PRKCH: variants seen among roughly 807,000 people sequenced by gnomAD.
The protein encoded by PRKCH is protein kinase C eta.
A neutral mutation model predicts 82.5 loss-of-function variants in PRKCH; 28 were observed. The observed-to-expected ratio is 0.34, with a 90% CI of 0.25 to 0.47. The LOEUF (loss-of-function observed/expected upper bound fraction) is 0.47, where lower values mean the gene tolerates loss of function less well. Among genes scored for constraint, PRKCH ranks in the 20% least tolerant of loss-of-function variants. The pLI, the probability that PRKCH is intolerant of heterozygous loss-of-function variation, is 1.00. For missense variants in PRKCH, 705 were observed against 881.8 expected (o/e 0.80, Z 2.54); for synonymous variants, 322 against 327.4 (o/e 0.98, Z 0.18).
chr14:61,196,724 A>G (rs1369544900), intron 1 of PRKCH, among the ~76,000 whole-genome samples: 2 of 152,354 alleles, frequency 1.3e-5, no homozygotes, highest in East Asian at 1.9e-4. Flanking sequence ...GAACACAGAT[A>G]AACTATGTTA....
At chr14:61,309,387 G>A (rs1018719361) in intron 1 of PRKCH, among the ~76,000 whole-genome samples, 6 of 152,226 alleles carry the variant, frequency 3.9e-5, no homozygotes, top group African/African-American at 1.4e-4. Flanking sequence ...AGGTGAATAG[G>A]AGGGGATCTG....
chr14:61,328,435 C>T (rs2045732297), intron 1 of PRKCH, among the ~76,000 whole-genome samples: 1 of 126,414 alleles, frequency 7.9e-6, no homozygotes, highest in Admixed American at 8.7e-5. Flanking sequence ...TTTTCACGCC[C>T]AAAATGTTAA....
intron 1 of PRKCH, among the ~76,000 whole-genome samples, chr14:61,265,297 A>G (rs1361760277): frequency 6.6e-6 from 1 of 152,092 alleles, no homozygotes; most frequent in Non-Finnish European, 1.5e-5. Flanking sequence ...CTTGGGCAAC[A>G]TACTGAAACC....
intron 1 of PRKCH, among the ~76,000 whole-genome samples, chr14:61,262,493 T>C (rs1397633894): frequency 4.6e-5 from 7 of 152,222 alleles, no homozygotes; most frequent in Middle Eastern, 3.4e-3. Flanking sequence ...AATTAATCTA[T>C]AGTGAGAGAT....
chr14:61,461,082 G>A (rs901985755), intron 9 of PRKCH, among the ~76,000 whole-genome samples: 5 of 152,082 alleles, frequency 3.3e-5, no homozygotes, highest in East Asian at 3.9e-4. Context: ...TCCCCTGCGC[G>A]CCTCTCCCTT....
intron 1 of PRKCH, among the ~76,000 whole-genome samples, chr14:61,196,416 G>A (rs1354812904): frequency 3.9e-5 from 6 of 152,244 alleles, no homozygotes; most frequent in Non-Finnish European, 8.8e-5. Context: ...TATATTTGAG[G>A]TTGCTAATCT....
intron 1 of PRKCH, among the ~76,000 whole-genome samples, chr14:61,329,210 C>A (rs1222019662): frequency 7.1e-6 from 1 of 141,048 alleles, no homozygotes; most frequent in Non-Finnish European, 1.5e-5. Flanking sequence ...TGGTTCTCCA[C>A]TGCTCTTAGA....
chr14:61,501,048 G>A (rs1475135684), intron 10 of PRKCH, among the ~76,000 whole-genome samples: 1 of 152,110 alleles, frequency 6.6e-6, no homozygotes, highest in African/African-American at 2.4e-5. Context: ...ACAATGTACT[G>A]TAATTCTGTG....
intron 1 of PRKCH, among the ~76,000 whole-genome samples, chr14:61,335,100 A>G (rs1201324431): frequency 6.6e-6 from 1 of 152,132 alleles, no homozygotes; most frequent in East Asian, 1.9e-4. Flanking sequence ...TCCTGAGGAA[A>G]TGAATATTTT....
chr14:61,438,074 C>G (rs1245900347), intron 2 of PRKCH, among the ~76,000 whole-genome samples: 2 of 152,106 alleles, frequency 1.3e-5, no homozygotes, highest in Non-Finnish European at 2.9e-5. Context: ...TCAAATGGCC[C>G]TATGAGGAAC....
chr14:61,216,536 A>G (rs1019821149), intron 1 of PRKCH, among the ~76,000 whole-genome samples: 7 of 152,184 alleles, frequency 4.6e-5, no homozygotes, highest in African/African-American at 1.4e-4. Context: ...AGAAATAAGA[A>G]GCAGCTGTGG....
At chr14:61,231,643 A>G (rs1203929802) in intron 1 of PRKCH, among the ~76,000 whole-genome samples, 1 of 152,078 alleles carries the variant, frequency 6.6e-6, no homozygotes, top group East Asian at 1.9e-4. Flanking sequence ...TAGTGCTGGG[A>G]TTGCAGGTGT....
chr14:61,223,897 T>TG (rs1248765733), intron 1 of PRKCH, among the ~76,000 whole-genome samples: 1 of 152,206 alleles, frequency 6.6e-6, no homozygotes, highest in Non-Finnish European at 1.5e-5. Flanking sequence ...TGTCTGGCCC[T>TG]CATTTAGTAT....
At chr14:61,518,363 A>G (rs1343041776) in intron 10 of PRKCH, among the ~76,000 whole-genome samples, 1 of 152,126 alleles carries the variant, frequency 6.6e-6, no homozygotes, top group Non-Finnish European at 1.5e-5. Flanking sequence ...GGAGCTGCTA[A>G]ATAAATTTGC....
chr14:61,401,058 CT>C lies in PRKCH; in HGVS notation c.427+9774del, dbSNP rs1400512236. On this transcript the variant is annotated intron_variant, in intron 2 of 13. Transcript: ENST00000332981. ...AATCCCACCCTCCAGAGAGTCTTGTCTTTTGGGATGATGTCTTTTTGCAAGG... is the reference window on the plus strand; with the variant it reads ...AATCCCACCCTCCAGAGAGTCTTGTCTTTGGGATGATGTCTTTTTGCAAGG... Among the ~76,000 whole-genome samples the C allele has an allele frequency of 3.3e-5, 5 of 152,230 alleles. No homozygotes were observed. The South Asian group carries it at 1.0e-3, about 32-fold the overall frequency.
At chr14:61,187,664 T>G (rs2044373829) in exon 1 of PRKCH, 1 of 152,270 alleles carries the variant, frequency 6.6e-6, no homozygotes, top group South Asian at 2.1e-4. Context: ...CGTATCAGGG[T>G]CTGGGTAAGC....
chr14:61,232,916 C>T (rs1217100507), intron 1 of PRKCH, among the ~76,000 whole-genome samples: 1 of 152,168 alleles, frequency 6.6e-6, no homozygotes, highest in Non-Finnish European at 1.5e-5. Context: ...CAGAAAAAGA[C>T]ATTGGCAATT....
At chr14:61,505,779 A>C (rs1887122894) in intron 10 of PRKCH, among the ~76,000 whole-genome samples, 1 of 152,148 alleles carries the variant, frequency 6.6e-6, no homozygotes, top group Non-Finnish European at 1.5e-5. Flanking sequence ...ATTGAAGGTT[A>C]AGTTTCAACA....
chr14:61,453,760 C>T (rs1884630704), intron 7 of PRKCH, among the ~76,000 whole-genome samples: 1 of 151,838 alleles, frequency 6.6e-6, no homozygotes, highest in African/African-American at 2.4e-5. Context: ...CTCAAGTGAT[C>T]CTCCTACCTC....
Sources: gnomAD v4.1 joint callset for allele counts (sites outside exome capture counted in the v4.1 genomes callset) on GRCh38, gnomAD v4.1.1 for gene constraint, MANE v1.5 for transcripts, NCBI Gene and HGNC (gene_info 2026-07-23, HGNC 2026-07-21) for gene names.